Variants in TENM2 observed in about 807,000 individuals in gnomAD.
TENM2 encodes the protein teneurin transmembrane protein 2.
In TENM2, 52 loss-of-function variants were observed where a neutral mutation model predicts 245.2. The ratio of observed to expected loss-of-function variants is 0.21; its 90% CI spans 0.17 to 0.27. TENM2 has a LOEUF of 0.27. Among genes scored for constraint, TENM2 ranks in the 10% least tolerant of loss-of-function variants. TENM2 has a pLI of 1.00. For synonymous variants in TENM2, 1,363 were observed against 1,438.9 expected, an observed-to-expected ratio of 0.95 and a Z score of 1.19; for missense variants, 3,046 against 3,666.8, an observed-to-expected ratio of 0.83 and a Z score of 4.37.
At chr5:167,463,885 G>A (rs1277325336) in intron 2 of TENM2, among the ~76,000 whole-genome samples, 1 of 152,152 alleles carries the variant, frequency 6.6e-6, no homozygotes, top group African/African-American at 2.4e-5. Context: ...ACTATTAGAA[G>A]GTTTCCTTTC....
chr5:167,971,181 T>C (rs1312138438), intron 4 of TENM2, among the ~76,000 whole-genome samples: 2 of 150,272 alleles, frequency 1.3e-5, no homozygotes, highest in Admixed American at 6.6e-5. Context: ...GAGATAGAGA[T>C]AGAGATGATA....
At chr5:167,090,767 T>C in the TENM2 span, among the ~76,000 whole-genome samples, 247 of 152,328 alleles carry the variant, frequency 1.6e-3, 1 homozygote, top group Non-Finnish European at 1.9e-3. Flanking sequence ...GTGGTGGTGT[T>C]AAAACACAAT....
At chr5:167,605,580 T>C (rs1482523487) in intron 2 of TENM2, among the ~76,000 whole-genome samples, 2 of 152,202 alleles carry the variant, frequency 1.3e-5, no homozygotes, top group Non-Finnish European at 2.9e-5. Flanking sequence ...GGAGTATGTG[T>C]TATACAAGTC....
chr5:167,625,061 A>G (rs1211307476), intron 2 of TENM2, among the ~76,000 whole-genome samples: 3 of 152,044 alleles, frequency 2.0e-5, no homozygotes, highest in Admixed American at 6.6e-5. Flanking sequence ...TCACTTCCTT[A>G]AATCATGGCT....
intron 1 of TENM2, among the ~76,000 whole-genome samples, chr5:167,337,123 C>CAAAAAAA (rs71591174): frequency 1.7e-3 from 96 of 56,618 alleles, no homozygotes; most frequent in African/African-American, 2.2e-3. Context: ...GACTCCGTCT[C>CAAAAAAA]AAAAAAAAAA....
the TENM2 span, among the ~76,000 whole-genome samples, chr5:167,096,114 A>G: frequency 1.3e-5 from 2 of 152,058 alleles, no homozygotes; most frequent in Non-Finnish European, 2.9e-5. Context: ...TGTGTGTTTC[A>G]TTTTATTTAA....
rs35699708 is a variant in TENM2 at position 167,445,369 on chromosome 5, A to AGAGAGAGTGAGT, written c.502+69897_502+69898insAGAGAGTGAGTG. ...GAGAGAGAGAGAGAGAGAGAGAGAGAGTGTCAGGTGTTGTCTTGTTGTTGG... is the reference window on the plus strand; with the variant it reads ...GAGAGAGAGAGAGAGAGAGAGAGAGAGAGAGAGTGAGTGTGTCAGGTGTTGTCTTGTTGTTGG... On this transcript the variant is annotated intron_variant, in intron 2 of 28. Coordinates refer to ENST00000518659, the Ensembl canonical transcript of TENM2. 1.2e-3 allele frequency among the ~76,000 whole-genome samples: 117 copies of AGAGAGAGTGAGT among 98,586 alleles called. 2 individuals carry two copies. The highest frequency in any genetic ancestry group is 5.0e-3 in the African/African-American group (100 of 19,834). The allele number at this position is 98,586 out of a possible 152,430, so 64.7% of individuals were successfully genotyped here. A position where few individuals can be genotyped will look rare whatever the true frequency, so the allele number is the denominator to read the frequency against.
intron 3 of TENM2, among the ~76,000 whole-genome samples, chr5:167,882,422 A>C (rs986534188): frequency 6.6e-6 from 1 of 152,190 alleles, no homozygotes; most frequent in African/African-American, 2.4e-5. Context: ...AGTTTTCTTC[A>C]CACTGCTCCT....
At chr5:167,368,781 A>G (rs1243614688) in intron 1 of TENM2, among the ~76,000 whole-genome samples, 1 of 151,906 alleles carries the variant, frequency 6.6e-6, no homozygotes, top group Admixed American at 6.6e-5. Context: ...CAGAGTTGAG[A>G]TTTTAGAACC....
At chr5:167,823,679 T>A (rs541080750) in intron 2 of TENM2, among the ~76,000 whole-genome samples, 5 of 152,240 alleles carry the variant, frequency 3.3e-5, no homozygotes, top group African/African-American at 1.2e-4. Flanking sequence ...ATTCATGCAA[T>A]TCAGAGGAGC....
chr5:168,015,405 C>T (rs1031040159), intron 5 of TENM2, among the ~76,000 whole-genome samples: 1 of 152,178 alleles, frequency 6.6e-6, no homozygotes, highest in Non-Finnish European at 1.5e-5. Context: ...GGCCCAGTAC[C>T]CGGGTAGCCA....
At chr5:167,310,232 C>A (rs572907522) in intron 1 of TENM2, among the ~76,000 whole-genome samples, 2 of 152,338 alleles carry the variant, frequency 1.3e-5, no homozygotes, top group Admixed American at 6.5e-5. Context: ...TGCTCTACGG[C>A]TGTCGCCAAA....
At chr5:168,064,985 C>T (rs569412200) in intron 7 of TENM2, among the ~76,000 whole-genome samples, 34 of 152,230 alleles carry the variant, frequency 2.2e-4, no homozygotes, top group African/African-American at 6.3e-4. Flanking sequence ...TAGCTCTTTG[C>T]GGGGATAGGC....
chr5:168,047,114 A>T (rs1788673384), intron 5 of TENM2, among the ~76,000 whole-genome samples: 1 of 152,188 alleles, frequency 6.6e-6, no homozygotes, highest in South Asian at 2.1e-4. Context: ...CTTTACAGTG[A>T]TTCGAAAGGG....
chr5:167,278,715 C>T, the TENM2 span, among the ~76,000 whole-genome samples: 2 of 152,118 alleles, frequency 1.3e-5, no homozygotes, highest in East Asian at 1.9e-4. Context: ...ATTCTCTGAC[C>T]CTCCCCTATT....
At chr5:167,244,646 A>G in the TENM2 span, among the ~76,000 whole-genome samples, 1 of 152,228 alleles carries the variant, frequency 6.6e-6, no homozygotes, top group East Asian at 1.9e-4. Flanking sequence ...AGAGAAGCAC[A>G]TCTGAGAGAA....
chr5:167,473,921 C>T (rs949499749), intron 2 of TENM2, among the ~76,000 whole-genome samples: 1 of 152,102 alleles, frequency 6.6e-6, no homozygotes, highest in African/African-American at 2.4e-5. Context: ...TGGAGCTTTG[C>T]AATGGGCCTG....
At chr5:167,237,441 C>T in the TENM2 span, among the ~76,000 whole-genome samples, 1 of 152,170 alleles carries the variant, frequency 6.6e-6, no homozygotes. Flanking sequence ...TTATTGACTA[C>T]ACATGTACAC....
the TENM2 span, among the ~76,000 whole-genome samples, chr5:167,218,121 T>G: frequency 6.6e-6 from 1 of 152,274 alleles, no homozygotes; most frequent in African/African-American, 2.4e-5. Flanking sequence ...CTTGTAGAGT[T>G]TTTTTTAATT....
Sources: allele counts gnomAD v4.1 joint callset (sites outside exome capture counted in the v4.1 genomes callset), GRCh38; gene constraint gnomAD v4.1.1; transcripts MANE v1.5; gene names NCBI Gene and HGNC (gene_info 2026-07-23, HGNC 2026-07-21).